The following OLA1 variants were observed in gnomAD, a reference collection of about 807,000 sequenced individuals.
The protein encoded by OLA1 is obg-like ATPase 1.
OLA1 carries 14 observed loss-of-function variants against 48.4 expected under a neutral mutation model. The observed-to-expected ratio is 0.29, with a 90% CI of 0.19 to 0.45. OLA1 has a LOEUF of 0.45. Among genes scored for constraint, OLA1 ranks in the 20% least tolerant of loss-of-function variants. The pLI is 1.00. For missense variants in OLA1, 325 were observed against 467.1 expected (o/e 0.70, Z 2.80); for synonymous variants, 127 against 150.4 (o/e 0.84, Z 1.14).
At chr2:174,228,189 A>G (rs1210833146) in intron 3 of OLA1, among the ~76,000 whole-genome samples, 1 of 152,198 alleles carries the variant, frequency 6.6e-6, no homozygotes, top group Non-Finnish European at 1.5e-5. Context: ...TGCAGAGTTC[A>G]GGACACCAGA....
rs889769449 is a variant in OLA1, at chr2:174,246,042, G to A, written c.101+673C>T. ...CAGCTGGGCTCAGTGGCTCATGCCT[G>A]TAATCCCAGCACTATAAGAGGCTGA... On this transcript the variant is annotated intron_variant, in intron 2 of 10. Coordinates refer to ENST00000284719, the MANE Select transcript of OLA1 (RefSeq NM_013341.5). Among the ~76,000 whole-genome samples, 3 of 152,242 alleles carry A rather than the reference G, an allele frequency of 2.0e-5. No individual in the cohort carries two copies. The South Asian group carries it at 6.2e-4, about 32-fold the overall frequency.
At chr2:174,115,639 T>C (rs1685763914) in intron 7 of OLA1, among the ~76,000 whole-genome samples, 1 of 152,208 alleles carries the variant, frequency 6.6e-6, no homozygotes, top group Non-Finnish European at 1.5e-5. Flanking sequence ...AACTGACTCC[T>C]GTTTCCTTCT....
chr2:174,237,045 T>C (rs1226938990), intron 2 of OLA1, among the ~76,000 whole-genome samples: 2 of 152,208 alleles, frequency 1.3e-5, no homozygotes, highest in African/African-American at 4.8e-5. Context: ...CTTTTTACTT[T>C]ATCAACTTTA....
At chr2:174,191,481 C>T (rs1687776809) in intron 4 of OLA1, among the ~76,000 whole-genome samples, 1 of 151,540 alleles carries the variant, frequency 6.6e-6, no homozygotes, top group Non-Finnish European at 1.5e-5. Context: ...AGGGTCCTGG[C>T]TCTGGCTCTG....
At chr2:174,082,176 G>A (rs1436358710) in intron 7 of OLA1, 112 bp from the exon 8 acceptor site, 1 of 1,197,958 alleles carries the variant, frequency 8.3e-7, no homozygotes, top group East Asian at 2.4e-5. Flanking sequence ...GTTTTATGAT[G>A]CCATCTTTTT....
chr2:174,194,064 T>A (rs1264628073), intron 4 of OLA1, among the ~76,000 whole-genome samples: 1 of 152,234 alleles, frequency 6.6e-6, no homozygotes, highest in Non-Finnish European at 1.5e-5. Flanking sequence ...GCCCTAAGGC[T>A]TGCTGTGCTT....
intron 4 of OLA1, chr2:174,172,272 AT>A: frequency 5.2e-6 from 1 of 192,570 alleles, no homozygotes. Flanking sequence ...CTGTACCTTT[AT>A]AAGCTCCTAT....
At chr2:174,231,597 T>G (rs995348502) in intron 2 of OLA1, among the ~76,000 whole-genome samples, 4 of 152,186 alleles carry the variant, frequency 2.6e-5, no homozygotes, top group Non-Finnish European at 5.9e-5. Flanking sequence ...ACATATTATA[T>G]GGTAAAACAT....
chr2:174,085,583 G>A (rs981199310), intron 7 of OLA1, among the ~76,000 whole-genome samples: 3 of 151,972 alleles, frequency 2.0e-5, no homozygotes, highest in Admixed American at 2.0e-4. Context: ...CAGATTCTTC[G>A]GCAGAATGAG....
rs531152901 is a variant in OLA1 at position 174,210,782 on chromosome 2, G to A, written c.373+12251C>T. Reference sequence around the variant, plus strand: ...ATCAAGAAAAGAATTTTGTTTAAGTGATTCTGCACTGCATATATTAAAACA... The same window carrying A: ...ATCAAGAAAAGAATTTTGTTTAAGTAATTCTGCACTGCATATATTAAAACA... On this transcript the variant is annotated intron_variant, in intron 4 of 10. Transcript: ENST00000284719. 5.3e-5 allele frequency among the ~76,000 whole-genome samples: 8 copies of A among 152,272 alleles called. No individual in the cohort carries two copies. The South Asian group carries it at 1.7e-3, about 32-fold the overall frequency.
chr2:174,130,718 A>C (rs917326601), intron 5 of OLA1, among the ~76,000 whole-genome samples: 1 of 152,208 alleles, frequency 6.6e-6, no homozygotes, highest in Non-Finnish European at 1.5e-5. Flanking sequence ...AATACTGATA[A>C]TTTATGGAAA....
intron 5 of OLA1, among the ~76,000 whole-genome samples, chr2:174,135,250 A>AAAGTCCT: frequency 6.6e-6 from 1 of 152,178 alleles, no homozygotes; most frequent in South Asian, 2.1e-4. Context: ...CAGTACGTTT[A>AAAGTCCT]AAGTCCTACG....
intron 7 of OLA1, among the ~76,000 whole-genome samples, chr2:174,110,836 TC>T (rs1171965765): frequency 6.6e-6 from 1 of 152,082 alleles, no homozygotes. Flanking sequence ...CCTGCCTCGG[TC>T]TCCCAAAGCA....
In OLA1 at chr2:174,223,032, C is replaced by A. The variant is rs1467899995; in HGVS notation, c.373+1G>T. On this transcript the variant is annotated splice_donor_variant, in intron 4 of 10. Transcript: ENST00000284719. LOFTEE classifies it high-confidence loss of function. ...ATGATTAAATAAACAACTGTACTTACGTGTTAGATGAAAGATGCCATCACA... is the reference window on the plus strand; with the variant it reads ...ATGATTAAATAAACAACTGTACTTAAGTGTTAGATGAAAGATGCCATCACA... The A allele has an allele frequency of 6.2e-7, 1 of 1,610,694 alleles. No homozygotes were observed. Among genetic ancestry groups the A allele is most frequent in the African/African-American group, 1.3e-5 (1 of 74,842 alleles).
At chr2:174,138,855 T>C (rs1475027839) in intron 5 of OLA1, among the ~76,000 whole-genome samples, 1 of 152,244 alleles carries the variant, frequency 6.6e-6, no homozygotes, top group Non-Finnish European at 1.5e-5. Context: ...ACATTAATTT[T>C]TTACTCAGAT....
intron 4 of OLA1, among the ~76,000 whole-genome samples, chr2:174,183,720 A>G (rs1000537262): frequency 1.3e-5 from 2 of 152,218 alleles, no homozygotes; most frequent in Non-Finnish European, 2.9e-5. Context: ...CAGTTTCCTC[A>G]TTTGTAAAAT....
chr2:174,235,050 G>A (rs887663423), intron 2 of OLA1, among the ~76,000 whole-genome samples: 9 of 152,126 alleles, frequency 5.9e-5, no homozygotes, highest in South Asian at 2.1e-4. Flanking sequence ...TCGCAGCTAC[G>A]TGGGAGGCTG....
intron 4 of OLA1, among the ~76,000 whole-genome samples, chr2:174,151,131 T>C (rs11683795): frequency 0.27 from 41,342 of 152,050 alleles, 6,252 homozygotes; most frequent in Non-Finnish European, 0.35. Flanking sequence ...GAGCCAATCA[T>C]GAGTCTTACA....
intron 7 of OLA1, among the ~76,000 whole-genome samples, chr2:174,114,738 C>T (rs1685741516): frequency 6.6e-6 from 1 of 152,184 alleles, no homozygotes; most frequent in Non-Finnish European, 1.5e-5. Flanking sequence ...AAAGGCACTG[C>T]TAAATCTTTG....
Sources: allele counts gnomAD v4.1 joint callset (sites outside exome capture counted in the v4.1 genomes callset), GRCh38; gene constraint gnomAD v4.1.1; transcripts MANE v1.5; gene names NCBI Gene and HGNC (gene_info 2026-07-23, HGNC 2026-07-21).